Variants in TMEM266 observed in about 807,000 individuals in gnomAD.
TMEM266 encodes the protein Hv1 related protein 1.
TMEM266 carries 33 observed loss-of-function variants against 50.5 expected under a neutral mutation model. The observed-to-expected ratio is 0.65, with a 90% CI of 0.50 to 0.87. The LOEUF is 0.87. TMEM266 is among the 40% of genes least tolerant of loss of function. TMEM266 has a pLI of 0.00. For missense variants in TMEM266, 655 were observed against 695.1 expected (o/e 0.94, Z 0.65); for synonymous variants, 310 against 292.3 (o/e 1.06, Z -0.62).
At chr15:76,076,444 T>C (rs1208767084) in intron 1 of TMEM266, among the ~76,000 whole-genome samples, 2 of 152,080 alleles carry the variant, frequency 1.3e-5, no homozygotes, top group Non-Finnish European at 2.9e-5. Context: ...TGATGTGGGC[T>C]CTGGCCTATG....
At chr15:76,137,916 G>A in intron 3 of TMEM266, 21 bp downstream of exon 3, 2 of 1,537,692 alleles carry the variant, frequency 1.3e-6, no homozygotes, top group Non-Finnish European at 8.7e-7. Flanking sequence ...GGACCATTGA[G>A]CTAGCTAAGA....
intron 1 of TMEM266, among the ~76,000 whole-genome samples, chr15:76,119,399 A>G (rs1249442047): frequency 1.2e-5 from 1 of 80,156 alleles, no homozygotes; most frequent in Admixed American, 2.0e-4. Flanking sequence ...GGCAAAAAAA[A>G]AAAAAAAAAA....
chr15:76,194,957 G>A (rs938633990), intron 9 of TMEM266, among the ~76,000 whole-genome samples: 1 of 152,248 alleles, frequency 6.6e-6, no homozygotes, highest in Middle Eastern at 3.4e-3. Flanking sequence ...GACCCCTGAC[G>A]ATCTTGCCCC....
At position 76,174,722 on chromosome 15, in the gene TMEM266, A is replaced by G. The variant is rs80095077; in HGVS notation, c.653-837A>G. Among the ~76,000 whole-genome samples, 661 of 152,234 alleles carry G rather than the reference A, an allele frequency of 4.3e-3. 7 individuals carry two copies. Among genetic ancestry groups the G allele is most frequent in the African/African-American group, 0.015 (634 of 41,540 alleles). ...AAGCACTAAGCTGCTTTCCATCTCT[A>G]TAGAGTTGCCTGTTCTGTTCCATTA... On this transcript the variant is annotated intron_variant, in intron 7 of 10. Coordinates refer to ENST00000388942, the MANE Select transcript of TMEM266 (RefSeq NM_152335.3).
chr15:76,119,658 T>G (rs2037310507), intron 1 of TMEM266, among the ~76,000 whole-genome samples: 1 of 151,942 alleles, frequency 6.6e-6, no homozygotes, highest in Admixed American at 6.6e-5. Flanking sequence ...TCCCAACTAC[T>G]CAGGAGGCTG....
intron 1 of TMEM266, among the ~76,000 whole-genome samples, chr15:76,119,629 T>C (rs2037309851): frequency 6.6e-6 from 1 of 151,874 alleles, no homozygotes; most frequent in Non-Finnish European, 1.5e-5. Context: ...TAGCCAGGTA[T>C]GGTGGAGAGC....
chr15:76,172,850 A>G (rs1451957088), intron 7 of TMEM266, among the ~76,000 whole-genome samples: 3 of 152,168 alleles, frequency 2.0e-5, no homozygotes, highest in Admixed American at 6.5e-5. Flanking sequence ...GGCTCTGTCC[A>G]TGAGAACATC....
chr15:76,116,563 G>T (rs1183161546), intron 1 of TMEM266, among the ~76,000 whole-genome samples: 1 of 151,918 alleles, frequency 6.6e-6, no homozygotes, highest in Non-Finnish European at 1.5e-5. Flanking sequence ...ATCCGGAGTG[G>T]GGGTTGCGGA....
intron 1 of TMEM266, among the ~76,000 whole-genome samples, chr15:76,099,413 C>G (rs2036966623): frequency 6.6e-6 from 1 of 152,234 alleles, no homozygotes; most frequent in Non-Finnish European, 1.5e-5. Flanking sequence ...CACCCACTGT[C>G]CAACGAGTCC....
intron 1 of TMEM266, among the ~76,000 whole-genome samples, chr15:76,090,308 A>G (rs184956848): frequency 9.2e-5 from 14 of 152,084 alleles, no homozygotes; most frequent in African/African-American, 3.4e-4. Flanking sequence ...CCTGGCCAAC[A>G]TGACGAAACC....
intron 1 of TMEM266, among the ~76,000 whole-genome samples, chr15:76,061,965 T>G (rs1419345984): frequency 6.6e-6 from 1 of 152,250 alleles, no homozygotes; most frequent in Non-Finnish European, 1.5e-5. Context: ...TCTCTATGAT[T>G]GTAGCAATTA....
intron 1 of TMEM266, 149 bp from the exon 2 acceptor site, chr15:76,134,019 T>A (rs1201621642): frequency 5.0e-6 from 2 of 399,230 alleles, no homozygotes; most frequent in Non-Finnish European, 8.9e-6. Flanking sequence ...TTATTACTCT[T>A]CCATAGGGTA....
intron 7 of TMEM266, among the ~76,000 whole-genome samples, chr15:76,171,400 G>A (rs569371346): frequency 6.6e-6 from 1 of 152,168 alleles, no homozygotes; most frequent in African/African-American, 2.4e-5. Flanking sequence ...CTGTGAGCCT[G>A]GGGGGGCCAG....
At chr15:76,151,283 A>G (rs938790394) in intron 3 of TMEM266, among the ~76,000 whole-genome samples, 12 of 152,194 alleles carry the variant, frequency 7.9e-5, no homozygotes. Flanking sequence ...TCATTACTGA[A>G]CCACTCAGGA....
chr15:76,091,138 G>A (rs566713173), intron 1 of TMEM266, among the ~76,000 whole-genome samples: 22 of 152,300 alleles, frequency 1.4e-4, no homozygotes, highest in Non-Finnish European at 2.9e-4. Context: ...TTATTGGAGT[G>A]TAGTGAAAGC....
At chr15:76,173,797 G>A (rs192835969) in intron 7 of TMEM266, among the ~76,000 whole-genome samples, 31 of 152,140 alleles carry the variant, frequency 2.0e-4, no homozygotes, top group African/African-American at 7.5e-4. Context: ...GCTGAGTGTG[G>A]TGATGCACGC....
intron 5 of TMEM266, among the ~76,000 whole-genome samples, chr15:76,165,670 T>C (rs1251515784): frequency 6.6e-6 from 1 of 152,236 alleles, no homozygotes; most frequent in Non-Finnish European, 1.5e-5. Context: ...GTCACCCTGC[T>C]TTTTTAGTGA....
chr15:76,069,673 C>T lies in TMEM266; in HGVS notation c.-97+9657C>T, dbSNP rs371221281. 3.3e-5 allele frequency among the ~76,000 whole-genome samples: 5 copies of T among 151,972 alleles called. No homozygotes were observed. In the South Asian group the frequency reaches 6.2e-4, roughly 19 times the overall value. On this transcript the variant is annotated intron_variant, in intron 1 of 10. Transcript: ENST00000388942. ...ATCTCTACTAAATACAAAAAATTAG[C>T]GGGACATGGTGGTGCACGCCTGTAG...
At chr15:76,180,304 G>A (rs570913562) in intron 8 of TMEM266, among the ~76,000 whole-genome samples, 1 of 152,262 alleles carries the variant, frequency 6.6e-6, no homozygotes, top group African/African-American at 2.4e-5. Flanking sequence ...CCTCCTGGCT[G>A]TGGCAATTTC....
Sources: allele counts gnomAD v4.1 joint callset (sites outside exome capture counted in the v4.1 genomes callset), GRCh38; gene constraint gnomAD v4.1.1; transcripts MANE v1.5; gene names NCBI Gene and HGNC (gene_info 2026-07-23, HGNC 2026-07-21).